The following NBAS variants were observed in gnomAD, a reference collection of about 807,000 sequenced individuals.
NBAS encodes NAG/BC035112 fusion.
Under a neutral mutation model 302.5 loss-of-function variants are expected in NBAS, and 219 were observed. The ratio of observed to expected loss-of-function variants is 0.72; its 90% CI spans 0.65 to 0.81. NBAS has a LOEUF of 0.81. Ranked by LOEUF, NBAS falls within the 30% of genes least tolerant of loss-of-function variation. The pLI is 0.00. For missense variants in NBAS, 2,932 were observed against 2,841.6 expected (o/e 1.03, Z -0.72); for synonymous variants, 1,118 against 1,021.6 (o/e 1.09, Z -1.80).
At chr2:14,866,942 T>TCTAAC in the NBAS span, among the ~76,000 whole-genome samples, 58 of 152,278 alleles carry the variant, frequency 3.8e-4, 2 homozygotes, top group South Asian at 0.012. Context: ...AACTCACAGA[T>TCTAAC]CTAACTGCGA....
At chr2:15,071,126 GA>G in the NBAS span, among the ~76,000 whole-genome samples, 1 of 152,210 alleles carries the variant, frequency 6.6e-6, no homozygotes, top group Admixed American at 6.5e-5. Context: ...TCCTCTGGAA[GA>G]AGGGCCTATG....
chr2:14,878,168 C>T, the NBAS span, among the ~76,000 whole-genome samples: 18 of 152,300 alleles, frequency 1.2e-4, no homozygotes, highest in South Asian at 4.1e-4. Flanking sequence ...TTGCCTACTT[C>T]CTCAGAACAC....
intron 25 of NBAS, among the ~76,000 whole-genome samples, chr2:15,406,135 G>GA (rs1676405642): frequency 2.1e-5 from 3 of 143,158 alleles, no homozygotes; most frequent in African/African-American, 7.7e-5. Context: ...AAAACATGAG[G>GA]AAAAAAACCC....
intron 11 of NBAS, among the ~76,000 whole-genome samples, chr2:15,493,708 C>A (rs1243463087): frequency 6.6e-6 from 1 of 151,366 alleles, no homozygotes; most frequent in African/African-American, 2.4e-5. Flanking sequence ...AACATTTAAA[C>A]CATGATTCTT....
chr2:15,272,874 T>C (rs1392908859), intron 44 of NBAS, among the ~76,000 whole-genome samples: 2 of 152,160 alleles, frequency 1.3e-5, no homozygotes, highest in African/African-American at 4.8e-5. Context: ...AGTATAAGGT[T>C]AAGAAACTAA....
At chr2:15,461,813 A>G in intron 19 of NBAS, 22 bp from the exon 20 acceptor site, 1 of 1,382,072 alleles carries the variant, frequency 7.2e-7, no homozygotes, top group Non-Finnish European at 1.0e-6. Flanking sequence ...TTTAATGAAA[A>G]GTGATTTAAT....
chr2:14,850,720 AC>A, the NBAS span, among the ~76,000 whole-genome samples: 1 of 73,244 alleles, frequency 1.4e-5, no homozygotes, highest in South Asian at 4.4e-4. Flanking sequence ...AGAAATTATA[AC>A]AAACTATCTC....
rs191910753 is a variant in NBAS at position 15,466,559 on chromosome 2, A to G, written c.2097+770T>C. Among the ~76,000 whole-genome samples the G allele has an allele frequency of 7.1e-4, 108 of 152,292 alleles. 1 individual carries two copies. The highest frequency in any genetic ancestry group is 2.3e-3 in the African/African-American group (94 of 41,552). Reference sequence around the variant, plus strand: ...TGTGTCCCTGAAGACCCAAATGTGAAGTATACTGTTTTTAAGCTCAAATAA... The same window carrying G: ...TGTGTCCCTGAAGACCCAAATGTGAGGTATACTGTTTTTAAGCTCAAATAA... On this transcript the variant is annotated intron_variant, in intron 19 of 51. Transcript: ENST00000281513.
intron 32 of NBAS, among the ~76,000 whole-genome samples, chr2:15,358,273 T>A (rs764336996): frequency 7.2e-5 from 11 of 151,952 alleles, no homozygotes; most frequent in Non-Finnish European, 1.6e-4. Context: ...CAACAAAAAA[T>A]CCCTACCGTT....
the NBAS span, among the ~76,000 whole-genome samples, chr2:14,860,400 A>G: frequency 6.6e-6 from 1 of 152,326 alleles, no homozygotes; most frequent in South Asian, 2.1e-4. Flanking sequence ...TTGCAGCACT[A>G]TTCAGAATAG....
chr2:15,558,666 G>C lies in NBAS; in HGVS notation c.118-32C>G, dbSNP rs367985680. On this transcript the variant is annotated intron_variant, in intron 1 of 51. Transcript: ENST00000281513. ...TTTAAAACAAAAAACACTTACATTT[G>C]AATCTTCTAGTAGTATTAGACCAGT... 1.6e-4 allele frequency: 248 copies of C among 1,509,480 alleles called. No individual in the cohort carries two copies. In the African/African-American group the frequency reaches 3.1e-3, roughly 19 times the overall value. The allele number at this position is 1,509,480 out of a possible 1,614,324, so 93.5% of individuals were successfully genotyped here. A position where few individuals can be genotyped will look rare whatever the true frequency, so the allele number is the denominator to read the frequency against.
At position 15,498,666 on chromosome 2, in the gene NBAS, C is replaced by T. The variant is rs183754094; in HGVS notation, c.954+5479G>A. ...ATGGGAAGTGACTGAACCATGGGGGCGGATTTCCCTTTGCTGTTCTCATGA... is the reference window on the plus strand; with the variant it reads ...ATGGGAAGTGACTGAACCATGGGGGTGGATTTCCCTTTGCTGTTCTCATGA... On this transcript the variant is annotated intron_variant, in intron 11 of 51. Transcript: ENST00000281513. Among the ~76,000 whole-genome samples, 6 of 152,200 alleles carry T rather than the reference C, an allele frequency of 3.9e-5. No individual in the cohort carries two copies. The East Asian group carries it at 7.8e-4, about 20-fold the overall frequency.
At chr2:14,848,811 G>A in the NBAS span, among the ~76,000 whole-genome samples, 1 of 151,864 alleles carries the variant, frequency 6.6e-6, no homozygotes, top group Non-Finnish European at 1.5e-5. Context: ...CCCCAGCAGG[G>A]GCACACTGAC....
chr2:15,199,634 T>C (rs909986054), intron 48 of NBAS, among the ~76,000 whole-genome samples: 1 of 152,296 alleles, frequency 6.6e-6, no homozygotes, highest in East Asian at 1.9e-4. Flanking sequence ...GATTAATACA[T>C]GGCTTTCAAA....
At chr2:14,941,017 T>C in the NBAS span, among the ~76,000 whole-genome samples, 1 of 152,232 alleles carries the variant, frequency 6.6e-6, no homozygotes, top group African/African-American at 2.4e-5. Flanking sequence ...CTAAAACCAC[T>C]TGATAACTCA....
At chr2:14,997,185 A>G in the NBAS span, among the ~76,000 whole-genome samples, 12 of 152,252 alleles carry the variant, frequency 7.9e-5, no homozygotes, top group South Asian at 2.5e-3. Context: ...GAGGAGCAGA[A>G]AAGGAGCAGA....
chr2:15,238,504 G>A lies in NBAS; in HGVS notation c.5907C>T (p.Ser1969=). ...TCTTCAGAGAAAGGATGAAGCTGTG[G>A]CTCAGGGTTTCCAGGTGGGCAAGTG... ...EKSLAHLETL[S]HSFILSLKNS... The change falls in exon 45 of 52, where the codon AGC becomes AGT. Residue 1969 remains serine (S), a synonymous_variant. Transcript: ENST00000281513. 6.2e-7 allele frequency: 1 copy of A among 1,614,178 alleles called. No individual in the cohort carries two copies. The highest frequency in any genetic ancestry group is 8.5e-7 in the Non-Finnish European group (1 of 1,180,018).
chr2:14,925,684 C>T, the NBAS span, among the ~76,000 whole-genome samples: 3 of 152,248 alleles, frequency 2.0e-5, no homozygotes, highest in Admixed American at 1.3e-4. Flanking sequence ...CCCACCCACA[C>T]GGAATGGTTT....
At chr2:14,984,052 T>A in the NBAS span, among the ~76,000 whole-genome samples, 1 of 152,162 alleles carries the variant, frequency 6.6e-6, no homozygotes, top group Admixed American at 6.5e-5. Flanking sequence ...TTTCAGAACA[T>A]TTTATCAACA....
Sources: gnomAD v4.1 joint callset for allele counts (sites outside exome capture counted in the v4.1 genomes callset) on GRCh38, gnomAD v4.1.1 for gene constraint, MANE v1.5 for transcripts, NCBI Gene and HGNC (gene_info 2026-07-23, HGNC 2026-07-21) for gene names.